The following DLGAP2 variants were observed in gnomAD, a reference collection of about 807,000 sequenced individuals.
DLGAP2 encodes the protein disks large-associated protein 2.
A neutral mutation model predicts 100.3 loss-of-function variants in DLGAP2; 26 were observed. That is an observed-to-expected ratio of 0.26 (90% CI 0.19 to 0.36). The LOEUF is 0.36. DLGAP2 is among the 10% of genes least tolerant of loss of function. The pLI, the probability that DLGAP2 is intolerant of heterozygous loss-of-function variation, is 1.00. For synonymous variants in DLGAP2, 886 were observed against 630.1 expected, an observed-to-expected ratio of 1.41 and a Z score of -6.08; for missense variants, 1,858 against 1,453.2, an observed-to-expected ratio of 1.28 and a Z score of -4.53.
At chr8:1,420,589 A>T (rs150942711) in intron 3 of DLGAP2, among the ~76,000 whole-genome samples, 3 of 152,342 alleles carry the variant, frequency 2.0e-5, no homozygotes, top group African/African-American at 7.2e-5. Flanking sequence ...ATGATCTTCT[A>T]TGTTGAGCAT....
chr8:1,039,503 G>T (rs1802240153), intron 2 of DLGAP2, among the ~76,000 whole-genome samples: 3 of 140,272 alleles, frequency 2.1e-5, no homozygotes, highest in East Asian at 4.4e-4. Context: ...GGTGTGCATG[G>T]TCGGCTCGGT....
At chr8:1,365,480 A>G (rs1802088389) in intron 3 of DLGAP2, among the ~76,000 whole-genome samples, 1 of 152,100 alleles carries the variant, frequency 6.6e-6, no homozygotes, top group South Asian at 2.1e-4. Context: ...TGAAGAAGAA[A>G]CTGCAGTTAC....
chr8:1,593,559 G>A (rs1356877322), intron 6 of DLGAP2, among the ~76,000 whole-genome samples: 2 of 152,148 alleles, frequency 1.3e-5, no homozygotes, highest in Non-Finnish European at 2.9e-5. Flanking sequence ...TACCAAAGAT[G>A]CTCGGGAGAT....
At chr8:802,196 G>A (rs1457712890) in intron 1 of DLGAP2, among the ~76,000 whole-genome samples, 80 of 131,490 alleles carry the variant, frequency 6.1e-4, no homozygotes, top group African/African-American at 2.1e-3. Flanking sequence ...GGAATGGTCT[G>A]CACTCCTCCT....
intron 2 of DLGAP2, chr8:1,019,372 T>A (rs935569244): frequency 3.3e-5 from 5 of 151,804 alleles, no homozygotes; most frequent in African/African-American, 1.2e-4. Context: ...CTGCATAATA[T>A]CACCACCCCG....
intron 1 of DLGAP2, among the ~76,000 whole-genome samples, chr8:798,387 G>A (rs1585874500): frequency 6.7e-6 from 1 of 149,148 alleles, no homozygotes; most frequent in Non-Finnish European, 1.5e-5. Flanking sequence ...CTGGCCAGGT[G>A]ACGGGTGCCT....
At position 1,443,924 on chromosome 8, in the gene DLGAP2, T is replaced by C. The variant is rs551529819; in HGVS notation, c.107-57442T>C. ...GATAAAAAACAAAAGCCTTCATTGA[T>C]TAAAAGCAATAACTTTAGCTCTATA... is the stretch of plus-strand genomic sequence containing the variant. On this transcript the variant is annotated intron_variant, in intron 3 of 14. Transcript: ENST00000637795. Among the ~76,000 whole-genome samples the C allele has an allele frequency of 1.1e-4, 16 of 152,324 alleles. No homozygotes were observed. The South Asian group carries it at 2.5e-3, about 24-fold the overall frequency.
rs559747232 is a variant in DLGAP2, at chr8:1,566,706, CT to C, written c.1442+813del. On this transcript the variant is annotated intron_variant, in intron 6 of 14. Transcript: ENST00000637795. ...ACAGGGAGCCCTGGGCCACAGGGCCCTCCCTGTATTGTCTCTATCCACGCCG... is the reference window on the plus strand; with the variant it reads ...ACAGGGAGCCCTGGGCCACAGGGCCCCCCTGTATTGTCTCTATCCACGCCG... Among the ~76,000 whole-genome samples the C allele has an allele frequency of 2.4e-4, 37 of 152,320 alleles. No homozygotes were observed. In the East Asian group the frequency reaches 6.9e-3, roughly 29 times the overall value.
chr8:1,161,333 G>T (rs1296941539), intron 2 of DLGAP2, among the ~76,000 whole-genome samples: 1 of 152,112 alleles, frequency 6.6e-6, no homozygotes, highest in East Asian at 1.9e-4. Context: ...GATGGTAAGT[G>T]GAAAGGCGGG....
chr8:1,334,490 A>G (rs568978657), intron 3 of DLGAP2, among the ~76,000 whole-genome samples: 12 of 152,302 alleles, frequency 7.9e-5, no homozygotes, highest in African/African-American at 2.9e-4. Flanking sequence ...TCGTTCCACT[A>G]AATCTTCTGT....
chr8:826,895 C>T lies in DLGAP2; in HGVS notation c.19-81017C>T, dbSNP rs117817355. Among the ~76,000 whole-genome samples, 861 of 152,264 alleles carry T rather than the reference C, an allele frequency of 5.7e-3. 6 individuals are homozygous for T. The highest frequency in any genetic ancestry group is 9.3e-3 in the Non-Finnish European group (635 of 68,024). On this transcript the variant is annotated intron_variant, in intron 1 of 14. Coordinates refer to ENST00000637795, the MANE Select transcript of DLGAP2 (RefSeq NM_001346810.2). Reference sequence around the variant, plus strand: ...TTTCCAGCCTCGCACCAGTCTTTCTCGTGAATGTTTTTGTAGAAACATCCA... The same window carrying T: ...TTTCCAGCCTCGCACCAGTCTTTCTTGTGAATGTTTTTGTAGAAACATCCA...
chr8:1,526,089 A>G lies in DLGAP2; in HGVS notation c.173-22537A>G, dbSNP rs549683713. On this transcript the variant is annotated intron_variant, in intron 4 of 14. Transcript: ENST00000637795. The stretch of plus-strand genomic sequence containing the variant: ...TCTGAGCGTCACCGTGGCAGCCAGT[A>G]AGTTTCAGATTTGGGAGTAACAATG... Among the ~76,000 whole-genome samples the G allele has an allele frequency of 1.7e-3, 253 of 151,532 alleles. 1 individual carries two copies. The highest frequency in any genetic ancestry group is 4.8e-3 in the African/African-American group (200 of 41,300).
intron 2 of DLGAP2, among the ~76,000 whole-genome samples, chr8:1,170,627 G>A (rs1296632871): frequency 5.1e-5 from 7 of 137,828 alleles, no homozygotes; most frequent in African/African-American, 1.3e-4. Context: ...TGTATGTGTC[G>A]AGGAATGTAT....
chr8:1,665,054 A>C (rs968426952), intron 8 of DLGAP2, among the ~76,000 whole-genome samples: 1 of 152,214 alleles, frequency 6.6e-6, no homozygotes, highest in Admixed American at 6.5e-5. Flanking sequence ...CAGTTTAAAA[A>C]ATCATTTCAT....
chr8:1,249,505 A>G (rs891564152), intron 2 of DLGAP2, among the ~76,000 whole-genome samples: 1 of 152,228 alleles, frequency 6.6e-6, no homozygotes, highest in Non-Finnish European at 1.5e-5. Context: ...GCACTGAACA[A>G]TCTTTTGCTT....
intron 2 of DLGAP2, among the ~76,000 whole-genome samples, chr8:1,092,000 G>A (rs1440549115): frequency 2.6e-5 from 4 of 152,164 alleles, no homozygotes; most frequent in Non-Finnish European, 4.4e-5. Context: ...TTGTTCAGTA[G>A]TGACAATGGA....
chr8:1,392,027 G>T (rs555683018), intron 3 of DLGAP2, among the ~76,000 whole-genome samples: 1 of 152,162 alleles, frequency 6.6e-6, no homozygotes, highest in Non-Finnish European at 1.5e-5. Context: ...TGTTTGAATC[G>T]CCTTATCTAT....
At chr8:1,196,778 T>C (rs1797761307) in intron 2 of DLGAP2, among the ~76,000 whole-genome samples, 1 of 152,180 alleles carries the variant, frequency 6.6e-6, no homozygotes, top group Admixed American at 6.5e-5. Flanking sequence ...GACGGCTGCA[T>C]GTCAGCTGCA....
chr8:1,626,552 G>A (rs1389206895), intron 6 of DLGAP2, among the ~76,000 whole-genome samples, 188 bp from the exon 7 acceptor site: 1 of 148,332 alleles, frequency 6.7e-6, no homozygotes, highest in Non-Finnish European at 1.5e-5. Context: ...CTGGGTGTGG[G>A]TTGGACGGCT....
Sources: allele counts gnomAD v4.1 joint callset (sites outside exome capture counted in the v4.1 genomes callset), GRCh38; gene constraint gnomAD v4.1.1; transcripts MANE v1.5; gene names NCBI Gene and HGNC (gene_info 2026-07-23, HGNC 2026-07-21).